KIF23: variants seen among roughly 807,000 people sequenced by gnomAD.
KIF23 encodes the protein kinesin-like protein KIF23.
KIF23 carries 30 observed loss-of-function variants against 137.5 expected under a neutral mutation model. The observed-to-expected ratio is 0.22, with a 90% CI of 0.16 to 0.30. KIF23 has a LOEUF of 0.30. Ranked by LOEUF, KIF23 falls within the 10% of genes least tolerant of loss-of-function variation. KIF23 has a pLI of 1.00. For synonymous variants in KIF23, 367 were observed against 391.1 expected, an observed-to-expected ratio of 0.94 and a Z score of 0.73; for missense variants, 920 against 1,194.3, an observed-to-expected ratio of 0.77 and a Z score of 3.38.
intron 2 of KIF23, 130 bp from the exon 3 acceptor site, chr15:69,417,253 C>T: frequency 1.1e-5 from 8 of 760,564 alleles, no homozygotes; most frequent in East Asian, 5.7e-5. Context: ...TTTTCTTAGC[C>T]CTTGGAGATA....
intron 10 of KIF23, chr15:69,427,498 C>T (rs758043171): frequency 2.2e-6 from 1 of 451,586 alleles, no homozygotes; most frequent in South Asian, 1.6e-5. Flanking sequence ...GCGACTCCTT[C>T]TGTAAGTGGA....
At chr15:69,422,299 A>ATTTT in intron 5 of KIF23, 27 bp from the exon 6 acceptor site, 1 of 1,182,736 alleles carries the variant, frequency 8.5e-7, no homozygotes, top group East Asian at 2.6e-5. Flanking sequence ...ACGTGGTGTG[A>ATTTT]TTTTTTTTTT....
chr15:69,414,581 C>T, intron 1 of KIF23, 105 bp downstream of exon 1: 7 of 1,260,976 alleles, frequency 5.6e-6, no homozygotes, highest in Non-Finnish European at 6.3e-6. Flanking sequence ...GCGGGCAGCG[C>T]GGACAGCATC....
chr15:69,423,399 G>T, intron 7 of KIF23, 70 bp downstream of exon 7: 1 of 955,688 alleles, frequency 1.0e-6, no homozygotes, highest in Non-Finnish European at 1.5e-6. Flanking sequence ...AGGAGTTTTA[G>T]TTTCTTCAGT....
chr15:69,416,131 T>C (rs999957248), intron 2 of KIF23, 68 bp downstream of exon 2: 21 of 986,812 alleles, frequency 2.1e-5, no homozygotes, highest in African/African-American at 5.1e-5. Flanking sequence ...TTCTGTCTTA[T>C]GTGTATGCTT....
Position 69,421,768 on chromosome 15 carries a change from T to C in KIF23, c.316+16T>C. 1 of 1,547,494 alleles carries C rather than the reference T, an allele frequency of 6.5e-7. No homozygotes were observed. Among genetic ancestry groups the C allele is most frequent in the Non-Finnish European group, 8.9e-7 (1 of 1,128,452 alleles). On this transcript the variant is annotated intron_variant, in intron 4 of 23. Transcript: ENST00000679126. ...GGCAAAAATGGTATGATATGACTCT[T>C]GGAGTTTTGTTAGATTTTCCTTTTT... is the stretch of plus-strand genomic sequence containing the variant.
In KIF23 at chr15:69,422,337, T is replaced by C; in HGVS notation, c.465T>C (p.Ser155=). Reference sequence around the variant, plus strand: ...TGCCCCCACTTCAGGTTTTCAAATCTAATGATAGGAATAGTATGGATATAC... The same window carrying C: ...TGCCCCCACTTCAGGTTTTCAAATCCAATGATAGGAATAGTATGGATATAC... ...SFQAKRYVFK[S]NDRNSMDIQC... Residue 155 remains serine (S), a synonymous_variant, in exon 6 of 24, where the codon TCT becomes TCC. Transcript: ENST00000679126. The C allele has an allele frequency of 6.3e-7, 1 of 1,579,188 alleles. No homozygotes were observed. The highest frequency in any genetic ancestry group is 8.6e-7 in the Non-Finnish European group (1 of 1,159,986).
intron 3 of KIF23, 22 bp from the exon 4 acceptor site, chr15:69,421,625 G>A: frequency 7.0e-7 from 1 of 1,423,650 alleles, no homozygotes; most frequent in Non-Finnish European, 9.9e-7. Flanking sequence ...TCTATTTAGT[G>A]CATTTTTTTC....
At chr15:69,446,491 T>G in intron 22 of KIF23, 127 bp downstream of exon 22, 1 of 694,916 alleles carries the variant, frequency 1.4e-6, no homozygotes, top group East Asian at 2.7e-5. Flanking sequence ...CAGTGCACCA[T>G]GTAGGCCTAT....
intron 2 of KIF23, among the ~76,000 whole-genome samples, chr15:69,416,665 T>G (rs2056917676): frequency 6.6e-6 from 1 of 152,116 alleles, no homozygotes; most frequent in Non-Finnish European, 1.5e-5. Flanking sequence ...TTCAAAAATG[T>G]CTCTGTAGGC....
At chr15:69,440,743 A>T in intron 18 of KIF23, 25 bp from the exon 19 acceptor site, 1 of 1,565,856 alleles carries the variant, frequency 6.4e-7, no homozygotes. Flanking sequence ...AGTCTTGCTC[A>T]TTAATTTTTC....
chr15:69,414,559 C>G (rs2140299603), intron 1 of KIF23, 83 bp downstream of exon 1: 110 of 1,286,906 alleles, frequency 8.5e-5, no homozygotes, highest in Admixed American at 5.1e-4. Flanking sequence ...TCCACTCAGG[C>G]CGCGGCCGTA....
At chr15:69,418,404 A>G (rs1230195989) in intron 3 of KIF23, among the ~76,000 whole-genome samples, 2 of 152,140 alleles carry the variant, frequency 1.3e-5, no homozygotes, top group Non-Finnish European at 2.9e-5. Context: ...TTACATGCCC[A>G]AAAAGGAGTT....
rs143986431 is a variant in KIF23, at chr15:69,440,800, C to A, written c.2142C>A (p.Asn714Lys). The A allele has an allele frequency of 2.4e-5, 38 of 1,611,398 alleles. No homozygotes were observed. In the East Asian group the frequency reaches 7.8e-4, roughly 33 times the overall value. The change falls in exon 19 of 24, where the codon AAC becomes AAA. Residue 714 changes from asparagine to lysine, a missense_variant. Coordinates refer to ENST00000679126, the MANE Select transcript of KIF23 (RefSeq NM_001367805.3). The part of the protein sequence containing the change: ...LSSNYIAQIS[N>K]GQQLMSQPQL... ...GTAACTATATTGCTCAGATTTCCAA[C>A]GGCCAGCAACTCATGAGCCAGCCAC... is the stretch of plus-strand genomic sequence containing the variant.
intron 3 of KIF23, among the ~76,000 whole-genome samples, chr15:69,420,121 C>G (rs902075820): frequency 1.3e-5 from 2 of 151,990 alleles, no homozygotes; most frequent in African/African-American, 4.8e-5. Context: ...AAAAATTACC[C>G]AGCGTGGAGG....
intron 8 of KIF23, 145 bp from the exon 9 acceptor site, chr15:69,425,925 A>G (rs1369296060): frequency 5.1e-6 from 1 of 197,346 alleles, no homozygotes; most frequent in Non-Finnish European, 9.8e-6. Context: ...CTGGAGTATT[A>G]TACGTTATAT....
In KIF23 at chr15:69,422,373, T is replaced by G; in HGVS notation, c.501T>G (p.Val167=). ...DRNSMDIQCE[V]DALLERQKRE... ...ATAGTATGGATATACAGTGTGAGGTTGATGCCTTATTAGAACGTCAGAAAA... is the reference window on the plus strand; with the variant it reads ...ATAGTATGGATATACAGTGTGAGGTGGATGCCTTATTAGAACGTCAGAAAA... The change falls in exon 6 of 24, where the codon GTT becomes GTG. Residue 167 remains valine (V), a synonymous_variant. Transcript: ENST00000679126. 1.2e-6 allele frequency: 2 copies of G among 1,611,954 alleles called. No individual in the cohort carries two copies. The highest frequency in any genetic ancestry group is 1.1e-5 in the South Asian group (1 of 91,030).
rs764458334 is a variant in KIF23, at chr15:69,423,214, G to A, written c.619G>A (p.Ala207Thr). The A allele has an allele frequency of 6.2e-7, 1 of 1,603,356 alleles. No homozygotes were observed. Among genetic ancestry groups the A allele is most frequent in the South Asian group, 1.1e-5 (1 of 89,976 alleles). The change falls in exon 7 of 24, where the codon GCA becomes ACA. Residue 207 changes from alanine (A) to threonine (T), a missense_variant. Ala to Thr is a moderately conservative substitution (Grantham distance 58, BLOSUM62 0). Transcript: ENST00000679126. The part of the protein sequence containing the change: ...DMITVQEFCK[A>T]EEVDEDSVYG... Reference sequence around the variant, plus strand: ...GATAACTGTACAAGAATTCTGCAAAGCAGAAGAGGTTGATGAAGATAGTGT... The same window carrying A: ...GATAACTGTACAAGAATTCTGCAAAACAGAAGAGGTTGATGAAGATAGTGT...
chr15:69,423,840 C>T (rs1216511792), intron 7 of KIF23, among the ~76,000 whole-genome samples: 3 of 152,126 alleles, frequency 2.0e-5, no homozygotes, highest in Non-Finnish European at 4.4e-5. Context: ...TCCTAGATTT[C>T]CTTGGGTCTT....
Sources: gnomAD v4.1 joint callset for allele counts (sites outside exome capture counted in the v4.1 genomes callset) on GRCh38, gnomAD v4.1.1 for gene constraint, MANE v1.5 for transcripts, NCBI Gene and HGNC (gene_info 2026-07-23, HGNC 2026-07-21) for gene names.